The following LMLN variants were observed in gnomAD, a reference collection of about 807,000 sequenced individuals.
LMLN encodes the protein leishmanolysin like peptidase, also known as leishmanolysin-like peptidase.
In LMLN, 70 loss-of-function variants were observed where a neutral mutation model predicts 92.3. The observed-to-expected ratio is 0.76, with a 90% CI of 0.63 to 0.92. The LOEUF is 0.92. LMLN is among the 40% of genes least tolerant of loss of function. The probability of loss-of-function intolerance (pLI) is 0.00; values close to 1 mark genes in which losing one functional copy is unlikely to be tolerated. For synonymous variants in LMLN, 308 were observed against 296.2 expected (o/e 1.04, Z -0.41); for missense variants, 691 against 814.6 (o/e 0.85, Z 1.85).
intron 11 of LMLN, among the ~76,000 whole-genome samples, chr3:198,013,613 C>A: frequency 7.8e-6 from 1 of 127,740 alleles, no homozygotes; most frequent in Admixed American, 7.1e-5. Flanking sequence ...TTCTCTGTAC[C>A]CTTCAGAGCC....
chr3:197,983,648 T>C (rs6773859), intron 6 of LMLN, among the ~76,000 whole-genome samples: 9,836 of 152,226 alleles, frequency 0.065, 378 homozygotes, highest in African/African-American at 0.1. Flanking sequence ...GCAACTAAAA[T>C]AGTGTTAGAA....
rs1475194077 is a variant in LMLN at position 198,042,533 on chromosome 3, C to G, written c.*3866C>G. On this transcript the variant is annotated 3_prime_UTR_variant, in exon 16 of 16. Transcript: ENST00000330198. This position sits in a 1 kb window ranked among gnomAD's most constrained non-coding sequence, Gnocchi z 4.2. Reference sequence around the variant, plus strand: ...TGGCAGGTTATACCCTTCATGTTAGCAAAGACGAAGCCACGTCGCTGTGTT... The same window carrying G: ...TGGCAGGTTATACCCTTCATGTTAGGAAAGACGAAGCCACGTCGCTGTGTT... 6 of 152,124 alleles carry G rather than the reference C, an allele frequency of 3.9e-5. No individual in the cohort carries two copies. Among genetic ancestry groups the G allele is most frequent in the Non-Finnish European group, 8.8e-5 (6 of 68,028 alleles). The allele number at this position is 152,124 out of a possible 1,614,324, so 9.4% of individuals were successfully genotyped here.
intron 15 of LMLN, 96 bp from the exon 17 acceptor site, chr3:198,038,471 T>A: frequency 2.2e-6 from 2 of 926,476 alleles, no homozygotes; most frequent in East Asian, 2.4e-5. Context: ...CTTGTTTACT[T>A]TTTAATAATC....
chr3:197,991,362 T>C (rs1469051823), intron 9 of LMLN, among the ~76,000 whole-genome samples: 1 of 152,050 alleles, frequency 6.6e-6, no homozygotes, highest in Non-Finnish European at 1.5e-5. Context: ...TGCCTCAGCC[T>C]CCCAAAGTGC....
At chr3:198,004,617 CTA>C (rs1722249543) in intron 11 of LMLN, among the ~76,000 whole-genome samples, 1 of 87,030 alleles carries the variant, frequency 1.1e-5, no homozygotes. Context: ...TGACATCTAT[CTA>C]TATATCATCT....
chr3:198,021,094 T>C (rs1287303085), intron 12 of LMLN, among the ~76,000 whole-genome samples: 1 of 152,208 alleles, frequency 6.6e-6, no homozygotes, highest in East Asian at 1.9e-4. Context: ...AAAATTTATT[T>C]AAAATGTTGT....
intron 2 of LMLN, 73 bp downstream of exon 2, chr3:197,974,547 G>A: frequency 1.3e-6 from 1 of 749,632 alleles, no homozygotes; most frequent in Non-Finnish European, 2.1e-6. Context: ...TCTGTTACCT[G>A]AAGTTCTAAG....
chr3:198,024,980 C>CTTTT (rs1553825502), intron 14 of LMLN, among the ~76,000 whole-genome samples, 192 bp downstream of exon 15: 8 of 151,944 alleles, frequency 5.3e-5, no homozygotes, highest in Non-Finnish European at 1.0e-4. Context: ...GAAAAAGTGC[C>CTTTT]TCTTAAAAAT....
intron 6 of LMLN, 122 bp downstream of exon 6, chr3:197,980,626 A>AATAGC: frequency 1.1e-6 from 1 of 910,204 alleles, no homozygotes; most frequent in East Asian, 2.5e-5. Flanking sequence ...GGTAGACAGG[A>AATAGC]ATAGCATGCT....
At chr3:198,024,692 A>C in exon 14 of LMLN, 1 of 1,609,430 alleles carries the variant, frequency 6.2e-7, no homozygotes, top group Non-Finnish European at 8.5e-7. Flanking sequence ...AAAAGTATGG[A>C]CCTCATTCCG....
At chr3:197,988,369 T>C (rs80192275) in intron 8 of LMLN, among the ~76,000 whole-genome samples, 231 of 152,118 alleles carry the variant, frequency 1.5e-3, no homozygotes, top group African/African-American at 5.1e-3. Flanking sequence ...TCGATTTCTT[T>C]ACATTTATAG....
chr3:198,035,785 G>T, intron 14 of LMLN, 48 bp from the exon 16 acceptor site: 1 of 1,359,534 alleles, frequency 7.4e-7, no homozygotes, highest in South Asian at 1.2e-5. Context: ...GAATCTTACT[G>T]ACCTGATATT....
At position 197,969,960 on chromosome 3, in the gene LMLN, G is replaced by A. The variant is rs561616776; in HGVS notation, c.220-4417G>A. On this transcript the variant is annotated intron_variant, in intron 1 of 15. Transcript: ENST00000330198. ...GGAATTCAAGACCAGCCTGGCCAAC[G>A]TGGTGAAACCCTGTCTCTACTAAAA... 3.1e-3 allele frequency among the ~76,000 whole-genome samples: 475 copies of A among 152,052 alleles called. 3 individuals carry two copies. The highest frequency in any genetic ancestry group is 0.011 in the African/African-American group (450 of 41,504).
intron 1 of LMLN, among the ~76,000 whole-genome samples, chr3:197,968,641 C>T (rs1025434383): frequency 2.2e-4 from 34 of 152,278 alleles, no homozygotes; most frequent in African/African-American, 7.7e-4. Context: ...TCCTCTGCCG[C>T]GCCTCCAGCC....
At chr3:197,997,172 C>T (rs754771137) in intron 10 of LMLN, among the ~76,000 whole-genome samples, 10 of 151,322 alleles carry the variant, frequency 6.6e-5, no homozygotes, top group Non-Finnish European at 1.2e-4. Context: ...TCCACTTGGT[C>T]AGGCTAGAGT....
intron 14 of LMLN, among the ~76,000 whole-genome samples, chr3:198,035,242 A>C (rs1368728038): frequency 6.6e-6 from 1 of 151,654 alleles, no homozygotes; most frequent in Non-Finnish European, 1.5e-5. Flanking sequence ...CCCCCTTGTA[A>C]TTTTTGGGAA....
At chr3:198,024,323 C>CA (rs1474778285) in intron 13 of LMLN, among the ~76,000 whole-genome samples, 2 of 150,920 alleles carry the variant, frequency 1.3e-5, no homozygotes, top group Admixed American at 1.3e-4. Flanking sequence ...TCACGCCATT[C>CA]TCCTGCCTCA....
rs531220171 is a variant in LMLN at position 197,981,725 on chromosome 3, G to T, written c.728+1221G>T. Among the ~76,000 whole-genome samples, 9 of 152,072 alleles carry T rather than the reference G, an allele frequency of 5.9e-5. 1 individual carries two copies. The South Asian group carries it at 1.7e-3, about 28-fold the overall frequency. ...AGAAATTGCCATATGTCTCAGAATA[G>T]ATTGTATATAACATTCTCAGATCTA... is the stretch of plus-strand genomic sequence containing the variant. On this transcript the variant is annotated intron_variant, in intron 6 of 15. Transcript: ENST00000330198.
intron 14 of LMLN, among the ~76,000 whole-genome samples, chr3:198,026,705 C>G (rs1194361140): frequency 6.6e-6 from 1 of 152,196 alleles, no homozygotes; most frequent in African/African-American, 2.4e-5. Context: ...CCCCTAGTTA[C>G]TTTTAATGGA....
Sources: gnomAD v4.1 joint callset for allele counts (sites outside exome capture counted in the v4.1 genomes callset) on GRCh38, gnomAD v4.1.1 for gene constraint, Gnocchi (gnomAD v3.1) non-coding constraint, MANE v1.5 for transcripts, NCBI Gene and HGNC (gene_info 2026-07-23, HGNC 2026-07-21) for gene names.